Variants in SNRK observed in about 807,000 individuals in gnomAD.
SNRK encodes SNF related kinase.
Under a neutral mutation model 48.2 loss-of-function variants are expected in SNRK, and 3 were observed. That is an observed-to-expected ratio of 0.06 (90% CI 0.03 to 0.16). The LOEUF (loss-of-function observed/expected upper bound fraction) is 0.16, where lower values mean the gene tolerates loss of function less well. Ranked by LOEUF, SNRK falls within the 10% of genes least tolerant of loss-of-function variation. The pLI, the probability that SNRK is intolerant of heterozygous loss-of-function variation, is 1.00. For synonymous variants in SNRK, 376 were observed against 366.1 expected (o/e 1.03, Z -0.31); for missense variants, 627 against 976.0 (o/e 0.64, Z 4.76).
At chr3:43,334,239 C>T (rs1234990334) in intron 4 of SNRK, among the ~76,000 whole-genome samples, 1 of 151,802 alleles carries the variant, frequency 6.6e-6, no homozygotes, top group Admixed American at 6.6e-5. Flanking sequence ...TCATTTGTGC[C>T]CAGGAGTTCA....
In SNRK at chr3:43,331,008, T is replaced by C. The variant is rs998206787; in HGVS notation, c.590-1161T>C. ...TTTAGTTTGAACCAAGGAAAAGATA[T>C]TTTATTAAGTTTTAATTATCTTGGG... On this transcript the variant is annotated intron_variant, in intron 3 of 6. Transcript: ENST00000296088. Among the ~76,000 whole-genome samples, 4 of 152,320 alleles carry C rather than the reference T, an allele frequency of 2.6e-5. No homozygotes were observed. In the East Asian group the frequency reaches 5.8e-4, roughly 22 times the overall value.
intron 3 of SNRK, among the ~76,000 whole-genome samples, chr3:43,310,093 C>T (rs1454899511): frequency 1.3e-5 from 2 of 152,022 alleles, no homozygotes; most frequent in Non-Finnish European, 2.9e-5. Context: ...GGTCTGGAAC[C>T]GAACCCACAG....
chr3:43,324,711 C>T (rs2091081732), intron 3 of SNRK, among the ~76,000 whole-genome samples: 1 of 151,682 alleles, frequency 6.6e-6, no homozygotes, highest in African/African-American at 2.4e-5. Context: ...ATTGTAATTC[C>T]TAGAAAGATA....
At chr3:43,341,480 A>C (rs2091237612) in intron 5 of SNRK, among the ~76,000 whole-genome samples, 1 of 152,250 alleles carries the variant, frequency 6.6e-6, no homozygotes, top group Non-Finnish European at 1.5e-5. Context: ...AACAGTTTGG[A>C]ATCAAAGATA....
chr3:43,299,641 T>A (rs1348180955), intron 1 of SNRK, 113 bp from the exon 2 acceptor site: 8 of 152,620 alleles, frequency 5.2e-5, no homozygotes, highest in Non-Finnish European at 1.0e-4. Flanking sequence ...AAAGACAAAT[T>A]TTACTATTTT....
intron 3 of SNRK, among the ~76,000 whole-genome samples, chr3:43,316,485 T>C (rs2091014103): frequency 6.6e-6 from 1 of 152,210 alleles, no homozygotes; most frequent in Non-Finnish European, 1.5e-5. Flanking sequence ...TTTTAACCTA[T>C]AGAATCAAAT....
intron 1 of SNRK, among the ~76,000 whole-genome samples, chr3:43,296,281 G>A (rs2090852149): frequency 6.6e-6 from 1 of 151,620 alleles, no homozygotes; most frequent in Admixed American, 6.6e-5. Context: ...TTCTCAGGAA[G>A]GATTACAGTT....
At chr3:43,291,433 G>A (rs2090811715) in intron 1 of SNRK, among the ~76,000 whole-genome samples, 1 of 152,112 alleles carries the variant, frequency 6.6e-6, no homozygotes, top group Non-Finnish European at 1.5e-5. Flanking sequence ...AGTTTGTTGG[G>A]CCAATAGAGG....
At chr3:43,340,108 TTTTTA>T (rs1337086033) in intron 4 of SNRK, among the ~76,000 whole-genome samples, 174 bp from the exon 5 acceptor site, 1 of 151,854 alleles carries the variant, frequency 6.6e-6, no homozygotes, top group Non-Finnish European at 1.5e-5. Context: ...AGGTTGTGAT[TTTTTA>T]TTTTATGACT....
At chr3:43,314,695 A>G (rs1180316829) in intron 3 of SNRK, among the ~76,000 whole-genome samples, 4 of 152,200 alleles carry the variant, frequency 2.6e-5, no homozygotes, top group African/African-American at 9.6e-5. Flanking sequence ...CTTGTAAGAT[A>G]GTACAGCCTA....
chr3:43,345,793 G>A (rs934008189), intron 6 of SNRK, among the ~76,000 whole-genome samples: 1 of 152,192 alleles, frequency 6.6e-6, no homozygotes, highest in Non-Finnish European at 1.5e-5. Context: ...GTCAAATCAA[G>A]TAGCTTAAGG....
intron 1 of SNRK, among the ~76,000 whole-genome samples, chr3:43,288,571 A>G (rs1453386655): frequency 6.6e-6 from 1 of 152,212 alleles, no homozygotes; most frequent in East Asian, 1.9e-4. Flanking sequence ...TCCCTCATAC[A>G]GAAAGTGAAA....
At chr3:43,329,094 G>A (rs748783616) in intron 3 of SNRK, among the ~76,000 whole-genome samples, 3 of 152,148 alleles carry the variant, frequency 2.0e-5, no homozygotes, top group Non-Finnish European at 2.9e-5. Flanking sequence ...AAGTCGTAGC[G>A]CTCTGTTGAG....
chr3:43,288,655 A>G (rs553897424), intron 1 of SNRK, among the ~76,000 whole-genome samples: 31 of 152,260 alleles, frequency 2.0e-4, no homozygotes, highest in African/African-American at 7.5e-4. Flanking sequence ...ATAAGACATG[A>G]TTTCTTCCCT....
chr3:43,348,675 A>G lies in SNRK; in HGVS notation c.*118A>G. On this transcript the variant is annotated 3_prime_UTR_variant, in exon 7 of 7. Coordinates refer to ENST00000296088, the MANE Select transcript of SNRK (RefSeq NM_017719.5). ...TGGGCGTTAGGAGCAATTATTTATTACCTTTCCATTTGTTCGCCTGATGAT... is the reference window on the plus strand; with the variant it reads ...TGGGCGTTAGGAGCAATTATTTATTGCCTTTCCATTTGTTCGCCTGATGAT... 1 of 1,100,446 alleles carries G rather than the reference A, an allele frequency of 9.1e-7. No homozygotes were observed. Among genetic ancestry groups the G allele is most frequent in the Non-Finnish European group, 1.2e-6 (1 of 831,540 alleles). 68.2% of individuals were successfully genotyped at this position (1,100,446 alleles called of 1,614,324 possible).
chr3:43,332,561 C>T (rs2091154456), intron 4 of SNRK: 1 of 278,534 alleles, frequency 3.6e-6, no homozygotes, highest in African/African-American at 2.2e-5. Context: ...ATTTCTTATT[C>T]AAGAAATCTA....
At chr3:43,327,221 G>T (rs1357418152) in intron 3 of SNRK, among the ~76,000 whole-genome samples, 1 of 152,190 alleles carries the variant, frequency 6.6e-6, no homozygotes, top group Admixed American at 6.5e-5. Flanking sequence ...GGGCAATTAG[G>T]TTTCTCAGTG....
rs763106911 is a variant in SNRK, at chr3:43,332,155, T to A, written c.590-14T>A. The A allele has an allele frequency of 6.5e-7, 1 of 1,529,902 alleles. No homozygotes were observed. Among genetic ancestry groups the A allele is most frequent in the Non-Finnish European group, 8.8e-7 (1 of 1,140,412 alleles). 94.8% of individuals were successfully genotyped at this position (1,529,902 alleles called of 1,614,324 possible). ...AATTAGTCCAATATTTTAAAGTATG[T>A]CTTTGATTTATAGATATTTGGAGTC... On this transcript the variant is annotated splice_polypyrimidine_tract_variant and intron_variant, in intron 3 of 6. Transcript: ENST00000296088.
intron 3 of SNRK, among the ~76,000 whole-genome samples, chr3:43,314,140 C>T (rs968172582): frequency 3.9e-5 from 6 of 152,158 alleles, no homozygotes; most frequent in Non-Finnish European, 8.8e-5. Context: ...AGAGCATTTA[C>T]CCCTCACCAT....
Sources: allele counts gnomAD v4.1 joint callset (sites outside exome capture counted in the v4.1 genomes callset), GRCh38; gene constraint gnomAD v4.1.1; transcripts MANE v1.5; gene names NCBI Gene and HGNC (gene_info 2026-07-23, HGNC 2026-07-21).